The following AACS variants were observed in gnomAD, a reference collection of about 807,000 sequenced individuals.
AACS encodes the protein acetoacetate-CoA ligase.
AACS carries 69 observed loss-of-function variants against 83.1 expected under a neutral mutation model. The observed-to-expected ratio is 0.83, with a 90% confidence interval of 0.68 to 1.01. AACS has a LOEUF of 1.01. AACS is among the 50% of genes least tolerant of loss of function. The pLI is 0.00. For missense variants in AACS, 866 were observed against 882.2 expected (o/e 0.98, Z 0.23); for synonymous variants, 333 against 343.4 (o/e 0.97, Z 0.33).
chr12:125,131,932 A>G, intron 14 of AACS, among the ~76,000 whole-genome samples: 1 of 152,358 alleles, frequency 6.6e-6, no homozygotes, highest in Non-Finnish European at 1.5e-5. Flanking sequence ...AAATTTTAAA[A>G]GAAAGTAAAA....
At chr12:125,133,286 C>T (rs893379740) in intron 14 of AACS, among the ~76,000 whole-genome samples, 1 of 152,172 alleles carries the variant, frequency 6.6e-6, no homozygotes, top group African/African-American at 2.4e-5. Flanking sequence ...CAAGGAACCT[C>T]TCTCCTTAGA....
intron 5 of AACS, among the ~76,000 whole-genome samples, chr12:125,100,694 G>A (rs946256069): frequency 5.3e-5 from 8 of 152,134 alleles, no homozygotes; most frequent in Non-Finnish European, 1.0e-4. Context: ...CAGATTGCTG[G>A]GTCTCCTGCA....
chr12:125,118,880 G>T lies in AACS; in HGVS notation c.1121+115G>T. 3 of 1,433,244 alleles carry T rather than the reference G, an allele frequency of 2.1e-6. No homozygotes were observed. The Admixed American group carries it at 7.5e-5, about 36-fold the overall frequency. The allele number at this position is 1,433,244 out of a possible 1,614,324, so 88.8% of individuals were successfully genotyped here. On this transcript the variant is annotated intron_variant, in intron 10 of 17. Coordinates refer to ENST00000316519, the MANE Select transcript of AACS (RefSeq NM_023928.5). ...ACCGTGGTCGGGGCGTCTCCAGCATGCTCTGCCTTTGTGGACGCCCCCTCT... is the reference window on the plus strand; with the variant it reads ...ACCGTGGTCGGGGCGTCTCCAGCATTCTCTGCCTTTGTGGACGCCCCCTCT...
rs1565932149 is a variant in AACS at position 125,090,236 on chromosome 12, T to TACCC, written c.473-1190_473-1189insACCC. The stretch of plus-strand genomic sequence containing the variant: ...CCATCTATCCATCCATTTATTATGC[T>TACCC]TCCACCCATCATCTACCCATTCATC... On this transcript the variant is annotated intron_variant, in intron 4 of 17. Coordinates refer to ENST00000316519, the MANE Select transcript of AACS (RefSeq NM_023928.5). Among the ~76,000 whole-genome samples, 99 of 10,160 alleles carry TACCC rather than the reference T, an allele frequency of 9.7e-3. 10 individuals are homozygous for TACCC. Among genetic ancestry groups the TACCC allele is most frequent in the Middle Eastern group, 0.031 (1 of 32 alleles). The allele number at this position is 10,160 out of a possible 152,430, so 6.7% of individuals were successfully genotyped here.
chr12:125,083,080 G>C (rs751591945), intron 3 of AACS, among the ~76,000 whole-genome samples: 4 of 152,202 alleles, frequency 2.6e-5, no homozygotes, highest in Non-Finnish European at 5.9e-5. Context: ...CAGTTTCTGT[G>C]GGTTACAAAT....
chr12:125,143,168 A>T lies in AACS; in HGVS notation c.*939A>T, dbSNP rs922113581. ...AATTCAGTTCAGCGTATGAACTTGT[A>T]TCTCTAATCTGATGTCCATTTTTAT... On this transcript the variant is annotated 3_prime_UTR_variant, in exon 18 of 18. Transcript: ENST00000316519. 1 of 152,262 alleles carries T rather than the reference A, an allele frequency of 6.6e-6. No homozygotes were observed. Among genetic ancestry groups the T allele is most frequent in the Admixed American group, 6.5e-5 (1 of 15,288 alleles). The allele number at this position is 152,262 out of a possible 1,614,324, so 9.4% of individuals were successfully genotyped here.
At chr12:125,085,079 G>C (rs1956299752) in intron 3 of AACS, among the ~76,000 whole-genome samples, 1 of 152,226 alleles carries the variant, frequency 6.6e-6, no homozygotes, top group African/African-American at 2.4e-5. Flanking sequence ...CCCGGGGTGG[G>C]GGTGGTGTAG....
rs143374583 is a variant in AACS at position 125,136,795 on chromosome 12, T to C, written c.1812T>C (p.Arg604=). ...AGCCTGACTTGGTTAAGAGGATCCG[T>C]GACGCCATCCGCATGGGCTTGTCTG... ...AFQPDLVKRI[R]DAIRMGLSAR... is the part of the protein sequence containing the mutation. The change falls in exon 17 of 18, where the codon CGT becomes CGC. Residue 604 remains arginine, a synonymous_variant. Transcript: ENST00000316519. 11 of 1,614,102 alleles carry C rather than the reference T, an allele frequency of 6.8e-6. No individual in the cohort carries two copies. In the African/African-American group the frequency reaches 1.5e-4, roughly 22 times the overall value.
chr12:125,073,909 A>G lies in AACS; in HGVS notation c.167A>G (p.Glu56Gly). Residue 56 changes from glutamate (E) to glycine (G), a missense_variant, in exon 2 of 18, where the codon GAG (glutamate) becomes GGG (glycine). Coordinates refer to ENST00000316519, the MANE Select transcript of AACS (RefSeq NM_023928.5). Reference protein sequence around the residue: ...SYDDLYHWSVESYSDFWAEFW... With the variant: ...SYDDLYHWSVGSYSDFWAEFW... ...GATGACTTGTACCATTGGTCCGTTG[A>G]GTCATATTCAGACTTCTGGGCAGAG... The G allele has an allele frequency of 2.5e-6, 4 of 1,614,032 alleles. No homozygotes were observed. The highest frequency in any genetic ancestry group is 3.4e-6 in the Non-Finnish European group (4 of 1,179,978).
At chr12:125,135,138 T>C in intron 16 of AACS, among the ~76,000 whole-genome samples, 1 of 142,776 alleles carries the variant, frequency 7.0e-6, no homozygotes, top group Non-Finnish European at 1.5e-5. Context: ...CTATCTACTC[T>C]TTTTTTTTTT....
chr12:125,072,877 T>C (rs1480572354), intron 1 of AACS, among the ~76,000 whole-genome samples: 1 of 152,006 alleles, frequency 6.6e-6, no homozygotes, highest in Non-Finnish European at 1.5e-5. Flanking sequence ...AGTTAGACTG[T>C]TGTGGAATAA....
chr12:125,082,582 G>A (rs1454284892), intron 3 of AACS, among the ~76,000 whole-genome samples: 1 of 152,074 alleles, frequency 6.6e-6, no homozygotes, highest in African/African-American at 2.4e-5. Context: ...CAGCACTTTG[G>A]GAGCCCGAAG....
Position 125,136,863 on chromosome 12 carries a change from C to G in AACS, c.1880C>G (p.Pro627Arg), listed in dbSNP as rs780417229. The G allele has an allele frequency of 6.2e-7, 1 of 1,612,744 alleles. No homozygotes were observed. The highest frequency in any genetic ancestry group is 1.1e-5 in the South Asian group (1 of 91,044). Reference sequence around the variant, plus strand: ...CTCATCCTGGAAACCAAGGGCATCCCGGTATGGCCATCTCCCGCCAGCGAG... The same window carrying G: ...CTCATCCTGGAAACCAAGGGCATCCGGGTATGGCCATCTCCCGCCAGCGAG... ...PSLILETKGI[P>R]YTLNGKKVEV... The change falls in exon 17 of 18, where the codon CCG becomes CGG. Residue 627 changes from proline to arginine, a missense_variant and splice_region_variant. By Grantham distance (103) the Pro-to-Arg change is moderately radical. Coordinates refer to ENST00000316519, the MANE Select transcript of AACS (RefSeq NM_023928.5).
At chr12:125,120,827 A>G (rs1286664237) in intron 10 of AACS, 1 of 152,214 alleles carries the variant, frequency 6.6e-6, no homozygotes, top group African/African-American at 2.4e-5. Context: ...TGATCTTGTG[A>G]AAGGGAGCGT....
Position 125,065,568 on chromosome 12 carries a change from G to T in AACS, c.-17G>T. 3 of 1,411,654 alleles carry T rather than the reference G, an allele frequency of 2.1e-6. No homozygotes were observed. The highest frequency in any genetic ancestry group is 3.5e-5 in the East Asian group (1 of 28,470). The allele number at this position is 1,411,654 out of a possible 1,614,324, so 87.4% of individuals were successfully genotyped here. ...GGTCCCCAGCCCTCGTCGCAGCCCC[G>T]GCCGCCCGCCGCCGCCATGTCCAAG... On this transcript the variant is annotated 5_prime_UTR_variant, in exon 1 of 18. Transcript: ENST00000316519.
chr12:125,090,138 CACCA>C, intron 4 of AACS, among the ~76,000 whole-genome samples: 1 of 5,662 alleles, frequency 1.8e-4, no homozygotes, highest in Non-Finnish European at 4.3e-4. Flanking sequence ...TATCATCCAT[CACCA>C]TCATCCATCC....
intron 3 of AACS, among the ~76,000 whole-genome samples, chr12:125,077,340 C>T (rs746710102): frequency 6.6e-6 from 1 of 151,970 alleles, no homozygotes; most frequent in Non-Finnish European, 1.5e-5. Context: ...GAAACCCCGT[C>T]TCTACTGAAA....
At chr12:125,069,575 A>G (rs748772851) in intron 1 of AACS, among the ~76,000 whole-genome samples, 1 of 152,220 alleles carries the variant, frequency 6.6e-6, no homozygotes, top group Non-Finnish European at 1.5e-5. Flanking sequence ...CTGCAGCTCC[A>G]GCCTGGCATA....
intron 9 of AACS, among the ~76,000 whole-genome samples, chr12:125,116,342 T>G (rs1268789449): frequency 6.6e-6 from 1 of 152,222 alleles, no homozygotes; most frequent in Non-Finnish European, 1.5e-5. Flanking sequence ...CTCAAAAATT[T>G]GGAGCAGTTT....
Sources: allele counts gnomAD v4.1 joint callset (sites outside exome capture counted in the v4.1 genomes callset), GRCh38; gene constraint gnomAD v4.1.1; transcripts MANE v1.5; gene names NCBI Gene and HGNC (gene_info 2026-07-23, HGNC 2026-07-21).